MAST4: variants seen among roughly 807,000 people sequenced by gnomAD.
MAST4 encodes the protein microtubule-associated serine/threonine-protein kinase 4.
A neutral mutation model predicts 162.7 loss-of-function variants in MAST4; 89 were observed. The ratio of observed to expected loss-of-function variants is 0.55; its 90% CI spans 0.46 to 0.65. The LOEUF is 0.65. Among genes scored for constraint, MAST4 ranks in the 30% least tolerant of loss-of-function variants. The pLI, the probability that MAST4 is intolerant of heterozygous loss-of-function variation, is 0.00. For missense variants in MAST4, 3,153 were observed against 3,374.0 expected, an observed-to-expected ratio of 0.93 and a Z score of 1.62; for synonymous variants, 1,479 against 1,361.1, an observed-to-expected ratio of 1.09 and a Z score of -1.91.
At chr5:66,728,562 T>C (rs981357401) in intron 1 of MAST4, among the ~76,000 whole-genome samples, 9 of 152,218 alleles carry the variant, frequency 5.9e-5, no homozygotes, top group Non-Finnish European at 1.2e-4. Context: ...AAAAAAATTT[T>C]AGACATGAGA....
intron 1 of MAST4, among the ~76,000 whole-genome samples, chr5:66,690,783 G>C (rs1748989321): frequency 6.6e-6 from 1 of 152,162 alleles, no homozygotes; most frequent in South Asian, 2.1e-4. Flanking sequence ...GGTGTCATCT[G>C]TACTTTGATA....
At chr5:67,103,656 C>G (rs1374830002) in intron 9 of MAST4, among the ~76,000 whole-genome samples, 1 of 152,084 alleles carries the variant, frequency 6.6e-6, no homozygotes, top group Non-Finnish European at 1.5e-5. Context: ...AAGGGAGTCC[C>G]CTGGGACTTT....
intron 5 of MAST4, among the ~76,000 whole-genome samples, chr5:67,089,647 C>G (rs527459426): frequency 6.6e-6 from 1 of 152,306 alleles, no homozygotes; most frequent in South Asian, 2.1e-4. Context: ...CTAGTTCTGA[C>G]ACATCCACCT....
At chr5:66,940,276 CTG>C (rs1376527449) in intron 4 of MAST4, among the ~76,000 whole-genome samples, 3 of 152,096 alleles carry the variant, frequency 2.0e-5, no homozygotes, top group Admixed American at 6.6e-5. Flanking sequence ...GTTGCGGTGA[CTG>C]TGCCAATTTC....
chr5:66,673,882 A>G (rs909837766), intron 1 of MAST4, among the ~76,000 whole-genome samples: 2 of 152,204 alleles, frequency 1.3e-5, no homozygotes, highest in Non-Finnish European at 2.9e-5. Flanking sequence ...TTGAGCCTTC[A>G]TCTTTCATTA....
At chr5:66,648,081 TGTGAGAGAGA>T (rs1348638151) in intron 1 of MAST4, among the ~76,000 whole-genome samples, 14 of 102,458 alleles carry the variant, frequency 1.4e-4, no homozygotes, top group South Asian at 6.8e-4. Context: ...TGTGTGTGTG[TGTGAGAGAGA>T]GAGAGAGAGA....
At chr5:66,951,247 G>A (rs1402722828) in intron 4 of MAST4, among the ~76,000 whole-genome samples, 4 of 152,186 alleles carry the variant, frequency 2.6e-5, no homozygotes, top group Non-Finnish European at 4.4e-5. Context: ...TGTAGCACAA[G>A]TGATGGAATA....
chr5:67,150,277 G>C (rs189882711), intron 24 of MAST4, among the ~76,000 whole-genome samples: 3 of 152,318 alleles, frequency 2.0e-5, no homozygotes, highest in Admixed American at 6.5e-5. Flanking sequence ...ACACCCTGAT[G>C]GTTGTGATAT....
intron 2 of MAST4, among the ~76,000 whole-genome samples, chr5:66,771,503 C>G (rs79138626): frequency 3.4e-4 from 52 of 152,192 alleles, no homozygotes; most frequent in African/African-American, 1.2e-3. Context: ...AAATATATTT[C>G]TATCGGGAGG....
At chr5:67,004,255 G>C (rs954773427) in intron 4 of MAST4, among the ~76,000 whole-genome samples, 1 of 152,094 alleles carries the variant, frequency 6.6e-6, no homozygotes. Context: ...AGGCGCGGCC[G>C]GGGCTGGTGG....
chr5:67,079,791 T>A (rs959260565), intron 5 of MAST4, among the ~76,000 whole-genome samples: 1 of 152,226 alleles, frequency 6.6e-6, no homozygotes, highest in African/African-American at 2.4e-5. Flanking sequence ...TGCAAAGCTA[T>A]CCATTATTTT....
chr5:66,837,864 T>TTATATATATATA (rs1209782576), intron 3 of MAST4, among the ~76,000 whole-genome samples: 14 of 82,706 alleles, frequency 1.7e-4, no homozygotes, highest in African/African-American at 1.7e-4. Context: ...AGACTTGATT[T>TTATATATATATA]TATATATATA....
intron 2 of MAST4, among the ~76,000 whole-genome samples, chr5:66,769,409 G>T (rs1561318624): frequency 6.6e-6 from 1 of 152,118 alleles, no homozygotes; most frequent in Non-Finnish European, 1.5e-5. Context: ...GACTTAACCA[G>T]CCCCTGAAGA....
chr5:66,996,707 C>T (rs899715827), intron 4 of MAST4, among the ~76,000 whole-genome samples: 3 of 152,154 alleles, frequency 2.0e-5, no homozygotes, highest in Non-Finnish European at 4.4e-5. Flanking sequence ...GCCCAGCAGC[C>T]TAGCATCTCA....
intron 27 of MAST4, among the ~76,000 whole-genome samples, chr5:67,161,120 T>A (rs1309823071): frequency 6.6e-6 from 1 of 152,234 alleles, no homozygotes; most frequent in Non-Finnish European, 1.5e-5. Context: ...TCAGTATCTT[T>A]TTGTGCTGCT....
At chr5:66,967,992 G>A (rs1746960043) in intron 4 of MAST4, among the ~76,000 whole-genome samples, 5 of 152,132 alleles carry the variant, frequency 3.3e-5, no homozygotes. Context: ...ATATAGATGT[G>A]ACTCGTGCCA....
intron 3 of MAST4, among the ~76,000 whole-genome samples, chr5:66,883,422 GTTTTTT>G (rs36071165): frequency 5.1e-5 from 5 of 97,256 alleles, no homozygotes; most frequent in Admixed American, 1.1e-4. Context: ...TTCTGTCACT[GTTTTTT>G]TTTTTTTTTT....
chr5:66,649,924 A>G (rs4700144), intron 1 of MAST4, among the ~76,000 whole-genome samples: 10,787 of 151,828 alleles, frequency 0.071, 432 homozygotes, highest in Admixed American at 0.12. Flanking sequence ...CATTTTATCA[A>G]TTTCTCAGTG....
At chr5:67,036,191 G>A (rs1016640783) in intron 4 of MAST4, among the ~76,000 whole-genome samples, 3 of 152,200 alleles carry the variant, frequency 2.0e-5, no homozygotes, top group African/African-American at 7.2e-5. Context: ...CCACAAATTA[G>A]TATCTCAATA....
Sources: allele counts gnomAD v4.1 joint callset (sites outside exome capture counted in the v4.1 genomes callset), GRCh38; gene constraint gnomAD v4.1.1; transcripts MANE v1.5; gene names NCBI Gene and HGNC (gene_info 2026-07-23, HGNC 2026-07-21).